RALGAPB: variants seen among roughly 807,000 people sequenced by gnomAD.
RALGAPB encodes the protein Ral GTPase activating protein non-catalytic subunit beta.
In RALGAPB, 25 loss-of-function variants were observed where a neutral mutation model predicts 161.1. The observed-to-expected ratio is 0.16, with a 90% CI of 0.11 to 0.22. The LOEUF (loss-of-function observed/expected upper bound fraction) is 0.22. RALGAPB is among the 10% of genes least tolerant of loss of function. The pLI, the probability that RALGAPB is intolerant of heterozygous loss-of-function variation, is 1.00. For missense variants in RALGAPB, 1,391 were observed against 1,815.2 expected, an observed-to-expected ratio of 0.77 and a Z score of 4.25; for synonymous variants, 629 against 626.1, an observed-to-expected ratio of 1.00 and a Z score of -0.07.
At chr20:38,528,610 C>G (rs2086546232) in intron 13 of RALGAPB, among the ~76,000 whole-genome samples, 1 of 152,064 alleles carries the variant, frequency 6.6e-6, no homozygotes, top group Non-Finnish European at 1.5e-5. Context: ...CTTCTCCAGT[C>G]CTCCCTCCTT....
intron 28 of RALGAPB, among the ~76,000 whole-genome samples, chr20:38,572,949 TG>T (rs1380387689): frequency 6.6e-6 from 1 of 152,220 alleles, no homozygotes; most frequent in Non-Finnish European, 1.5e-5. Context: ...TCTTTTAATC[TG>T]GAACAGTCCT....
intron 6 of RALGAPB, among the ~76,000 whole-genome samples, chr20:38,510,329 A>C (rs1041418222): frequency 3.9e-5 from 6 of 152,134 alleles, no homozygotes; most frequent in Admixed American, 1.3e-4. Context: ...TTTAGTTCAC[A>C]TATTACTGCA....
chr20:38,578,751 G>T lies in RALGAPB; in HGVS notation c.*3784G>T, dbSNP rs2088525903. ...TCATCTTCGTCGGTTAGGGAAGAAG[G>T]TCCAGAGGTTTGTTTGTATTTATGC... is the stretch of plus-strand genomic sequence containing the variant. On this transcript the variant is annotated 3_prime_UTR_variant, in exon 30 of 30. Transcript: ENST00000262879. The T allele has an allele frequency of 6.6e-6, 1 of 152,630 alleles. No individual in the cohort carries two copies. The highest frequency in any genetic ancestry group is 2.4e-5 in the African/African-American group (1 of 41,436). The allele number at this position is 152,630 out of a possible 1,614,324, so 9.5% of individuals were successfully genotyped here.
At position 38,576,003 on chromosome 20, in the gene RALGAPB, A is replaced by C. The variant is rs1402710132; in HGVS notation, c.*1036A>C. On this transcript the variant is annotated 3_prime_UTR_variant, in exon 30 of 30. Coordinates refer to ENST00000262879, the MANE Select transcript of RALGAPB (RefSeq NM_020336.4). ...TCCTCATAATTGACAAACATGAGTG[A>C]CCACCTCTTTGGGTGGCTACTGTTA... The C allele has an allele frequency of 6.6e-6, 1 of 152,376 alleles. No homozygotes were observed. The highest frequency in any genetic ancestry group is 2.4e-5 in the African/African-American group (1 of 41,424). 9.4% of individuals were successfully genotyped at this position (152,376 alleles called of 1,614,324 possible).
intron 15 of RALGAPB, chr20:38,534,519 G>C (rs558073654): frequency 6.6e-6 from 1 of 152,450 alleles, no homozygotes; most frequent in South Asian, 2.1e-4. Flanking sequence ...ATAAAAATAT[G>C]GTGGCTTGGT....
intron 1 of RALGAPB, among the ~76,000 whole-genome samples, chr20:38,473,584 T>G (rs970375154): frequency 8.5e-5 from 13 of 152,168 alleles, no homozygotes; most frequent in Admixed American, 7.2e-4. Context: ...CCCTGTGAGG[T>G]AGGATTGTTG....
chr20:38,525,425 C>T lies in RALGAPB; in HGVS notation c.1809C>T (p.Ser603=), dbSNP rs1378121747. The change falls in exon 12 of 30, where the codon AGC becomes AGT. Residue 603 remains serine, a synonymous_variant. Transcript: ENST00000262879. ...LPDRELSKFK[S]YVNPTELRRS... ...GCAGAGAACTCTCAAAATTCAAAAG[C>T]TATGTAAATCCAACAGAATTGCGAA... The T allele has an allele frequency of 6.3e-7, 1 of 1,594,016 alleles. No homozygotes were observed. The highest frequency in any genetic ancestry group is 8.5e-7 in the Non-Finnish European group (1 of 1,173,742).
chr20:38,526,906 G>A (rs116823239), intron 13 of RALGAPB, among the ~76,000 whole-genome samples: 3,861 of 152,266 alleles, frequency 0.025, 162 homozygotes, highest in African/African-American at 0.089. Context: ...AGGGTTTTCA[G>A]TTGTTGCTTC....
At chr20:38,570,464 A>G (rs918140301) in intron 27 of RALGAPB, among the ~76,000 whole-genome samples, 1 of 152,226 alleles carries the variant, frequency 6.6e-6, no homozygotes, top group Non-Finnish European at 1.5e-5. Context: ...TTAGAAATAT[A>G]TACTTGCCTA....
At chr20:38,514,564 T>C (rs2086070223) in intron 6 of RALGAPB, among the ~76,000 whole-genome samples, 1 of 152,252 alleles carries the variant, frequency 6.6e-6, no homozygotes, top group Non-Finnish European at 1.5e-5. Flanking sequence ...GGATTTTTTA[T>C]GATTGTGATT....
chr20:38,537,267 C>CTAT (rs1367473154), intron 16 of RALGAPB, among the ~76,000 whole-genome samples: 1 of 152,020 alleles, frequency 6.6e-6, no homozygotes, highest in Non-Finnish European at 1.5e-5. Context: ...ACCAGAGGTA[C>CTAT]TATAAAACAA....
At chr20:38,537,046 A>G (rs1447594364) in intron 16 of RALGAPB, among the ~76,000 whole-genome samples, 4 of 152,208 alleles carry the variant, frequency 2.6e-5, no homozygotes, top group African/African-American at 9.6e-5. Context: ...TAAATGGAGC[A>G]CTGCTCTGGA....
intron 17 of RALGAPB, 101 bp downstream of exon 17, chr20:38,540,059 A>G: frequency 1.0e-6 from 1 of 985,894 alleles, no homozygotes; most frequent in Admixed American, 2.8e-5. Context: ...AGTATTGCAC[A>G]CTTTAAACTG....
chr20:38,527,236 C>CTT (rs772401219), intron 13 of RALGAPB, among the ~76,000 whole-genome samples: 1 of 152,160 alleles, frequency 6.6e-6, no homozygotes, highest in Non-Finnish European at 1.5e-5. Context: ...CAGACATTCC[C>CTT]TTTAAGCCCT....
chr20:38,524,974 A>G (rs1451687943), intron 11 of RALGAPB, 29 bp downstream of exon 11: 1 of 1,576,080 alleles, frequency 6.3e-7, no homozygotes, highest in Admixed American at 1.7e-5. Flanking sequence ...CTATTATATC[A>G]ACTGTCTGAT....
Position 38,526,099 on chromosome 20 carries a change from T to C in RALGAPB, c.2050+57T>C. ...ACCAAAGTACTGTTGACTACAGGCC[T>C]GCTGAGGAGGCGGCAGTCGGTAATG... On this transcript the variant is annotated intron_variant, in intron 13 of 29. Coordinates refer to ENST00000262879, the MANE Select transcript of RALGAPB (RefSeq NM_020336.4). 6 of 1,578,476 alleles carry C rather than the reference T, an allele frequency of 3.8e-6. No homozygotes were observed. In the South Asian group the frequency reaches 5.7e-5, roughly 15 times the overall value.
chr20:38,507,759 G>A (rs986984878), intron 5 of RALGAPB, among the ~76,000 whole-genome samples: 2 of 151,682 alleles, frequency 1.3e-5, no homozygotes, highest in Non-Finnish European at 2.9e-5. Flanking sequence ...GTGCAGTGGC[G>A]CAGTCATGGC....
chr20:38,487,243 G>A (rs1245757717), intron 1 of RALGAPB, among the ~76,000 whole-genome samples: 1 of 152,166 alleles, frequency 6.6e-6, no homozygotes, highest in Non-Finnish European at 1.5e-5. Context: ...GCCATTGCTT[G>A]GGATGTTTGT....
At chr20:38,518,122 A>G in intron 9 of RALGAPB, 122 bp downstream of exon 9, 2 of 949,156 alleles carry the variant, frequency 2.1e-6, no homozygotes, top group East Asian at 5.2e-5. Flanking sequence ...CTGACCAAGC[A>G]ATGTCTTGTG....
Sources: allele counts gnomAD v4.1 joint callset (sites outside exome capture counted in the v4.1 genomes callset), GRCh38; gene constraint gnomAD v4.1.1; transcripts MANE v1.5; gene names NCBI Gene and HGNC (gene_info 2026-07-23, HGNC 2026-07-21).